Variants in TTC27 observed in about 807,000 individuals in gnomAD.
TTC27 encodes the protein tetratricopeptide repeat protein 27.
In TTC27, 79 loss-of-function variants were observed where a neutral mutation model predicts 115.9. The observed-to-expected ratio is 0.68, with a 90% CI of 0.57 to 0.82. TTC27 has a LOEUF of 0.82. Ranked by LOEUF, TTC27 falls within the 40% of genes least tolerant of loss-of-function variation. The pLI, the probability that TTC27 is intolerant of heterozygous loss-of-function variation, is 0.00. For synonymous variants in TTC27, 401 were observed against 356.0 expected, an observed-to-expected ratio of 1.13 and a Z score of -1.42; for missense variants, 1,054 against 993.1, an observed-to-expected ratio of 1.06 and a Z score of -0.82.
At chr2:32,635,882 T>A (rs917882486) in intron 3 of TTC27, among the ~76,000 whole-genome samples, 1 of 152,180 alleles carries the variant, frequency 6.6e-6, no homozygotes, top group Non-Finnish European at 1.5e-5. Flanking sequence ...GTAATTTTAA[T>A]CCATAATGCT....
Position 32,806,596 on chromosome 2 carries a change from C to T in TTC27, c.1999-4428C>T, listed in dbSNP as rs143020912. Reference sequence around the variant, plus strand: ...GAGATCGAGACCATCCTGGCTAACACGGTGAAACCCCATCTCTACTAAAAA... The same window carrying T: ...GAGATCGAGACCATCCTGGCTAACATGGTGAAACCCCATCTCTACTAAAAA... On this transcript the variant is annotated intron_variant, in intron 16 of 19. Coordinates refer to ENST00000317907, the MANE Select transcript of TTC27 (RefSeq NM_017735.5). Among the ~76,000 whole-genome samples, 1,416 of 152,062 alleles carry T rather than the reference C, an allele frequency of 9.3e-3. 11 individuals are homozygous for T. The highest frequency in any genetic ancestry group is 0.024 in the Middle Eastern group (7 of 294).
At chr2:32,756,494 G>A (rs1004156501) in intron 12 of TTC27, among the ~76,000 whole-genome samples, 1 of 152,174 alleles carries the variant, frequency 6.6e-6, no homozygotes, top group African/African-American at 2.4e-5. Context: ...ATAAATTCCA[G>A]TTTCACTTTC....
At chr2:32,778,038 T>A in intron 14 of TTC27, 58 bp downstream of exon 14, 2 of 1,543,308 alleles carry the variant, frequency 1.3e-6, no homozygotes, top group African/African-American at 2.7e-5. Flanking sequence ...GTTGTTGAAA[T>A]TGTACTGTAT....
At chr2:32,643,902 G>T (rs1242436665) in intron 4 of TTC27, among the ~76,000 whole-genome samples, 1 of 151,762 alleles carries the variant, frequency 6.6e-6, no homozygotes, top group African/African-American at 2.4e-5. Flanking sequence ...AGGCATCTCT[G>T]GGCATGGTGG....
At chr2:32,813,853 A>G (rs1671395689) in intron 18 of TTC27, among the ~76,000 whole-genome samples, 1 of 152,182 alleles carries the variant, frequency 6.6e-6, no homozygotes, top group Non-Finnish European at 1.5e-5. Flanking sequence ...AGAAGTGCTG[A>G]GCTCTATATA....
At chr2:32,764,282 G>A (rs979281476) in intron 13 of TTC27, among the ~76,000 whole-genome samples, 13 of 151,862 alleles carry the variant, frequency 8.6e-5, no homozygotes, top group African/African-American at 2.4e-4. Flanking sequence ...CCAGGCCACC[G>A]CAGTAAAGCA....
At chr2:32,756,152 A>G (rs1441531417) in intron 12 of TTC27, among the ~76,000 whole-genome samples, 1 of 152,236 alleles carries the variant, frequency 6.6e-6, no homozygotes, top group African/African-American at 2.4e-5. Flanking sequence ...ATTACAGACC[A>G]CTACAGTACG....
intron 5 of TTC27, among the ~76,000 whole-genome samples, chr2:32,660,413 G>T (rs1294130462): frequency 6.6e-6 from 1 of 152,046 alleles, no homozygotes; most frequent in Admixed American, 6.6e-5. Context: ...AATACCATGC[G>T]GCTATAAAAA....
chr2:32,644,306 C>G (rs1214843393), intron 4 of TTC27, among the ~76,000 whole-genome samples: 1 of 150,128 alleles, frequency 6.7e-6, no homozygotes. Flanking sequence ...GAGCCAAGAT[C>G]GCGCACCGCA....
Position 32,664,263 on chromosome 2 carries a change from TCTC to T in TTC27, c.641-39_641-37del, listed in dbSNP as rs767728941. ...ATTTTACACATTAATATATTTTTCTTCTCATCATAACTTTTAATGTTTTATCTT... is the reference window on the plus strand; with the variant it reads ...ATTTTACACATTAATATATTTTTCTTATCATAACTTTTAATGTTTTATCTT... On this transcript the variant is annotated intron_variant, in intron 5 of 19. Coordinates refer to ENST00000317907, the MANE Select transcript of TTC27 (RefSeq NM_017735.5). 23 of 1,538,570 alleles carry T rather than the reference TCTC, an allele frequency of 1.5e-5. No individual in the cohort carries two copies. In the East Asian group the frequency reaches 5.0e-4, roughly 33 times the overall value.
rs1669207114 is a variant in TTC27 at position 32,755,612 on chromosome 2, G to A, written c.1453-2680G>A. On this transcript the variant is annotated intron_variant, in intron 12 of 19. Transcript: ENST00000317907. Reference sequence around the variant, plus strand: ...GGGAGACGGTGGAAAGAGAGGGAGAGGGAGACCGTGGGGAGACGGAGAGGG... The same window carrying A: ...GGGAGACGGTGGAAAGAGAGGGAGAAGGAGACCGTGGGGAGACGGAGAGGG... 9.7e-5 allele frequency among the ~76,000 whole-genome samples: 13 copies of A among 134,380 alleles called. No homozygotes were observed. The South Asian group carries it at 3.6e-3, about 37-fold the overall frequency. 88.2% of individuals were successfully genotyped at this position (134,380 alleles called of 152,430 possible).
At chr2:32,754,763 C>T (rs1179703817) in intron 12 of TTC27, among the ~76,000 whole-genome samples, 8 of 146,432 alleles carry the variant, frequency 5.5e-5, no homozygotes, top group African/African-American at 1.3e-4. Flanking sequence ...GGTGGCTGGC[C>T]GGGCGGGGGC....
At chr2:32,762,698 ATCTCAGCT>A (rs1669487433) in intron 13 of TTC27, among the ~76,000 whole-genome samples, 1 of 151,476 alleles carries the variant, frequency 6.6e-6, no homozygotes, top group African/African-American at 2.4e-5. Context: ...CAGTGGCGCG[ATCTCAGCT>A]TCTCAGCTCA....
intron 2 of TTC27, among the ~76,000 whole-genome samples, chr2:32,631,952 A>G (rs1451427082): frequency 6.6e-6 from 1 of 151,680 alleles, no homozygotes; most frequent in Non-Finnish European, 1.5e-5. Flanking sequence ...CTGGGATTAC[A>G]GGCCTGTGCC....
intron 10 of TTC27, among the ~76,000 whole-genome samples, chr2:32,727,351 G>A (rs572795586): frequency 2.0e-5 from 3 of 152,274 alleles, no homozygotes; most frequent in South Asian, 2.1e-4. Flanking sequence ...ATTCAAAGTC[G>A]AGACTGACCA....
chr2:32,808,384 A>G (rs1418231446), intron 16 of TTC27, among the ~76,000 whole-genome samples: 4 of 152,188 alleles, frequency 2.6e-5, no homozygotes, highest in Non-Finnish European at 5.9e-5. Context: ...TCTAAGCTCC[A>G]GGCCCAGCTA....
intron 18 of TTC27, among the ~76,000 whole-genome samples, chr2:32,813,161 T>C (rs1310772360): frequency 2.6e-5 from 4 of 152,226 alleles, no homozygotes; most frequent in African/African-American, 9.6e-5. Context: ...TAGTTATTAA[T>C]TTTTAAAAAT....
rs1012669204 is a variant in TTC27, at chr2:32,751,295, CACACACAT to C, written c.1453-6996_1453-6989del. On this transcript the variant is annotated intron_variant, in intron 12 of 19. Coordinates refer to ENST00000317907, the MANE Select transcript of TTC27 (RefSeq NM_017735.5). The stretch of plus-strand genomic sequence containing the variant: ...ACACACACACACACACACACACACA[CACACACAT>C]GCACACACATATACACAAGTTTTTG... Among the ~76,000 whole-genome samples, 11 of 150,424 alleles carry C rather than the reference CACACACAT, an allele frequency of 7.3e-5. No homozygotes were observed. In the East Asian group the frequency reaches 7.8e-4, roughly 11 times the overall value.
intron 16 of TTC27, among the ~76,000 whole-genome samples, chr2:32,805,272 G>A (rs1007220420): frequency 6.6e-6 from 1 of 152,146 alleles, no homozygotes; most frequent in Non-Finnish European, 1.5e-5. Context: ...TGCTCACAGA[G>A]CATGTGGCAC....
Sources: gnomAD v4.1 joint callset for allele counts (sites outside exome capture counted in the v4.1 genomes callset) on GRCh38, gnomAD v4.1.1 for gene constraint, MANE v1.5 for transcripts, NCBI Gene and HGNC (gene_info 2026-07-23, HGNC 2026-07-21) for gene names.